The following ESF1 variants were observed in gnomAD, a reference collection of about 807,000 sequenced individuals.
The protein encoded by ESF1 is ESF1 homolog.
In ESF1, 58 loss-of-function variants were observed where a neutral mutation model predicts 92.0. The observed-to-expected ratio is 0.63, with a 90% CI of 0.51 to 0.78. The LOEUF (loss-of-function observed/expected upper bound fraction) is 0.78, where lower values mean the gene tolerates loss of function less well. Ranked by LOEUF, ESF1 falls within the 30% of genes least tolerant of loss-of-function variation. The pLI is 0.00. For missense variants in ESF1, 922 were observed against 989.1 expected (o/e 0.93, Z 0.91); for synonymous variants, 321 against 313.7 (o/e 1.02, Z -0.24).
chr20:13,717,544 A>G (rs2147714643), intron 12 of ESF1, 30 bp from the exon 13 acceptor site: 3 of 1,608,650 alleles, frequency 1.9e-6, no homozygotes, highest in East Asian at 4.5e-5. Context: ...GTTCAAATGT[A>G]CAACAGTGCT....
At chr20:13,717,543 T>C (rs2147714639) in intron 12 of ESF1, 29 bp from the exon 13 acceptor site, 1 of 1,609,424 alleles carries the variant, frequency 6.2e-7, no homozygotes, top group South Asian at 1.1e-5. Flanking sequence ...AGTTCAAATG[T>C]ACAACAGTGC....
intron 11 of ESF1, among the ~76,000 whole-genome samples, chr20:13,726,195 T>C (rs1328480122): frequency 6.6e-6 from 1 of 152,206 alleles, no homozygotes; most frequent in African/African-American, 2.4e-5. Context: ...TATGTTAATC[T>C]ATACCAGATT....
chr20:13,784,563 C>T (rs2049562192), intron 1 of ESF1, among the ~76,000 whole-genome samples: 2 of 152,122 alleles, frequency 1.3e-5, no homozygotes, highest in African/African-American at 2.4e-5. Context: ...CGACACGCGC[C>T]CGCATCCCCG....
chr20:13,748,529 T>C (rs926086209), intron 9 of ESF1, among the ~76,000 whole-genome samples: 11 of 126,422 alleles, frequency 8.7e-5, no homozygotes, highest in African/African-American at 1.7e-4. Flanking sequence ...CATATATATA[T>C]ACACATATAT....
At chr20:13,784,388 A>G (rs1263522024) in intron 1 of ESF1, among the ~76,000 whole-genome samples, 1 of 151,886 alleles carries the variant, frequency 6.6e-6, no homozygotes, top group Non-Finnish European at 1.5e-5. Context: ...TGGTGCATTT[A>G]CACATTTTTC....
intron 12 of ESF1, 41 bp downstream of exon 12, chr20:13,718,867 A>G (rs1416463725): frequency 2.8e-6 from 4 of 1,452,898 alleles, no homozygotes; most frequent in Middle Eastern, 3.8e-4. Context: ...AATTGTACCT[A>G]TGAATTATCC....
intron 10 of ESF1, among the ~76,000 whole-genome samples, chr20:13,729,699 G>A (rs1458705887): frequency 6.6e-6 from 1 of 152,196 alleles, no homozygotes; most frequent in Non-Finnish European, 1.5e-5. Flanking sequence ...GTAGGACAAT[G>A]TAATGAACCC....
intron 7 of ESF1, 53 bp downstream of exon 7, chr20:13,769,854 C>A (rs145675019): frequency 1.8e-6 from 2 of 1,123,512 alleles, no homozygotes; most frequent in African/African-American, 3.1e-5. Context: ...TATACAAAAT[C>A]TCTTCATAAA....
chr20:13,763,719 G>C (rs970380481), intron 8 of ESF1, among the ~76,000 whole-genome samples: 2 of 152,178 alleles, frequency 1.3e-5, no homozygotes, highest in Admixed American at 6.5e-5. Flanking sequence ...TGGTCATCTA[G>C]TTATTTGGAA....
rs1384883376 is a variant in ESF1 at position 13,742,762 on chromosome 20, CCAAA to C, written c.1829-8924_1829-8921del. ...AGTCCCAAAATGATTTAAAAGTATC[CCAAA>C]CACACCCACACTTCCTCCCACATTA... On this transcript the variant is annotated intron_variant, in intron 9 of 13. Coordinates refer to ENST00000617257, the MANE Select transcript of ESF1 (RefSeq NM_001276380.2). Among the ~76,000 whole-genome samples, 3 of 151,996 alleles carry C rather than the reference CCAAA, an allele frequency of 2.0e-5. No homozygotes were observed. The South Asian group carries it at 6.3e-4, about 32-fold the overall frequency.
rs534396115 is a variant in ESF1 at position 13,760,528 on chromosome 20, C to G, written c.1667-675G>C. On this transcript the variant is annotated intron_variant, in intron 8 of 13. Transcript: ENST00000617257. ...GAGACCCTCCACCCGGCAGCCACCC[C>G]GTCTGAGAAGTGAGGAGCCCCTCCG... Among the ~76,000 whole-genome samples the G allele has an allele frequency of 2.0e-5, 3 of 151,580 alleles. No individual in the cohort carries two copies. The East Asian group carries it at 5.9e-4, about 30-fold the overall frequency.
intron 11 of ESF1, among the ~76,000 whole-genome samples, chr20:13,723,403 GA>G (rs1008050913): frequency 5.9e-5 from 9 of 151,638 alleles, no homozygotes; most frequent in African/African-American, 2.2e-4. Context: ...AAAATAAAGG[GA>G]AGCCCACTAG....
intron 9 of ESF1, among the ~76,000 whole-genome samples, chr20:13,758,085 C>T (rs1195733477): frequency 6.6e-6 from 1 of 152,046 alleles, no homozygotes; most frequent in African/African-American, 2.4e-5. Context: ...AGCTCAACCC[C>T]TTAAAGCAGC....
At chr20:13,746,436 C>A (rs1318220862) in intron 9 of ESF1, among the ~76,000 whole-genome samples, 7 of 152,204 alleles carry the variant, frequency 4.6e-5, no homozygotes, top group Non-Finnish European at 7.3e-5. Context: ...CTTTCACCTG[C>A]CTCTTTGTCA....
chr20:13,714,712 C>A lies in ESF1; in HGVS notation c.*162G>T. 6.3e-6 allele frequency: 4 copies of A among 634,714 alleles called. No individual in the cohort carries two copies. The highest frequency in any genetic ancestry group is 4.4e-4 in the Middle Eastern group (1 of 2,250). The allele number at this position is 634,714 out of a possible 1,614,324, so 39.3% of individuals were successfully genotyped here. A position where few individuals can be genotyped will look rare whatever the true frequency, so the allele number is the denominator to read the frequency against. Reference sequence around the variant, plus strand: ...ACAATAAAAATTTGTCAGTCATCCACAATTAAGTACAATTATTTATGGAGA... The same window carrying A: ...ACAATAAAAATTTGTCAGTCATCCAAAATTAAGTACAATTATTTATGGAGA... On this transcript the variant is annotated 3_prime_UTR_variant, in exon 14 of 14. Coordinates refer to ENST00000617257, the MANE Select transcript of ESF1 (RefSeq NM_001276380.2).
Position 13,782,883 on chromosome 20 carries a change from G to C in ESF1, c.258C>G (p.Ser86Arg). 1 of 1,612,678 alleles carries C rather than the reference G, an allele frequency of 6.2e-7. No homozygotes were observed. Residue 86 changes from serine to arginine, a missense_variant, in exon 2 of 14, where the codon AGC becomes AGG. Ser to Arg is a moderately radical substitution (Grantham distance 110). Transcript: ENST00000617257. Reference sequence around the variant, plus strand: ...TTATTTTCTTTTGACTCAATGCTTTGCTATCTTCACCAGAGAGATTGGAAT... The same window carrying C: ...TTATTTTCTTTTGACTCAATGCTTTCCTATCTTCACCAGAGAGATTGGAAT... ...DSDSNLSGED[S>R]KALSQKKIKK...
chr20:13,766,639 T>TA (rs1979437543), intron 8 of ESF1, 138 bp downstream of exon 8: 11 of 766,158 alleles, frequency 1.4e-5, no homozygotes, highest in Admixed American at 1.4e-4. Flanking sequence ...AAATTTTTTT[T>TA]TAAAAAAATC....
intron 10 of ESF1, among the ~76,000 whole-genome samples, chr20:13,731,261 T>C (rs2049940614): frequency 6.6e-6 from 1 of 152,086 alleles, no homozygotes; most frequent in African/African-American, 2.4e-5. Context: ...TGTGGAGTTA[T>C]TTCATTTATA....
At chr20:13,781,041 T>C (rs1028604425) in intron 2 of ESF1, among the ~76,000 whole-genome samples, 1 of 152,210 alleles carries the variant, frequency 6.6e-6, no homozygotes, top group South Asian at 2.1e-4. Context: ...CACCCCAAAG[T>C]AGTGCGTCCC....
Sources: allele counts gnomAD v4.1 joint callset (sites outside exome capture counted in the v4.1 genomes callset), GRCh38; gene constraint gnomAD v4.1.1; transcripts MANE v1.5; gene names NCBI Gene and HGNC (gene_info 2026-07-23, HGNC 2026-07-21).